ABCB11: variants seen among roughly 807,000 people sequenced by gnomAD.
ABCB11 encodes ATP binding cassette subfamily B member 11, also known as bile salt export pump.
In ABCB11, 95 loss-of-function variants were observed where a neutral mutation model predicts 148.0. That is an observed-to-expected ratio of 0.64 (90% confidence interval 0.54 to 0.76). The LOEUF is 0.76. Among genes scored for constraint, ABCB11 ranks in the 30% least tolerant of loss-of-function variants. The pLI, the probability that ABCB11 is intolerant of heterozygous loss-of-function variation, is 0.00. For missense variants in ABCB11, 1,523 were observed against 1,617.8 expected (o/e 0.94, Z 1.01); for synonymous variants, 591 against 555.4 (o/e 1.06, Z -0.90).
chr2:168,928,105 T>A (rs938247142), intron 25 of ABCB11, among the ~76,000 whole-genome samples: 3 of 152,190 alleles, frequency 2.0e-5, no homozygotes, highest in African/African-American at 7.2e-5. Context: ...AGAAAAAAAT[T>A]GTGATAAATG....
chr2:168,956,610 C>T (rs1035914146), intron 19 of ABCB11, among the ~76,000 whole-genome samples: 5 of 151,506 alleles, frequency 3.3e-5, no homozygotes, highest in Non-Finnish European at 5.9e-5. Flanking sequence ...GGGATCCTCC[C>T]GGGGGTGATG....
At chr2:169,016,648 G>T (rs2106054819) in intron 3 of ABCB11, 130 bp downstream of exon 3, 1 of 747,468 alleles carries the variant, frequency 1.3e-6, no homozygotes, top group Non-Finnish European at 2.2e-6. Context: ...AAGAGAAAAA[G>T]AATGGATTGT....
At chr2:169,014,792 A>C (rs1227929495) in intron 3 of ABCB11, among the ~76,000 whole-genome samples, 1 of 152,188 alleles carries the variant, frequency 6.6e-6, no homozygotes, top group Non-Finnish European at 1.5e-5. Context: ...GATAATGATG[A>C]AAAATTCAAG....
intron 22 of ABCB11, 108 bp from the exon 23 acceptor site, chr2:168,935,533 A>T: frequency 7.3e-7 from 1 of 1,365,872 alleles, no homozygotes; most frequent in Non-Finnish European, 9.9e-7. Flanking sequence ...ATGTGGTACA[A>T]ATCAGAGAAT....
chr2:168,969,263 T>G lies in ABCB11; in HGVS notation c.2011+87A>C, dbSNP rs142345608. 9.8e-3 allele frequency: 12,146 copies of G among 1,241,380 alleles called. 65 individuals are homozygous for G. The highest frequency in any genetic ancestry group is 0.012 in the Non-Finnish European group (10,526 of 883,344). 76.9% of individuals were successfully genotyped at this position (1,241,380 alleles called of 1,614,324 possible). On this transcript the variant is annotated intron_variant, in intron 16 of 27. Coordinates refer to ENST00000650372, the MANE Select transcript of ABCB11 (RefSeq NM_003742.4). ...CCTGCCAGAGTTGTTGGGAGAACAG[T>G]GAGTATTGAAATACATAGAAAACCG...
In ABCB11 at chr2:168,939,708, CT is replaced by C. The variant is rs201215976; in HGVS notation, c.2611-3276del. Among the ~76,000 whole-genome samples the C allele has an allele frequency of 4.2e-3, 631 of 151,898 alleles. 6 individuals carry two copies. Among genetic ancestry groups the C allele is most frequent in the Admixed American group, 0.014 (207 of 15,242 alleles). On this transcript the variant is annotated intron_variant, in intron 21 of 27. Coordinates refer to ENST00000650372, the MANE Select transcript of ABCB11 (RefSeq NM_003742.4). ...AAAAGAAAAGAAAAGACAAAATGAT[CT>C]TTTTTGCATTTTTTGCTTAGCAGAT... is the stretch of plus-strand genomic sequence containing the variant.
rs1312704795 is a variant in ABCB11, at chr2:169,006,895, T to C, written c.389+6377A>G. On this transcript the variant is annotated intron_variant, in intron 5 of 27. Coordinates refer to ENST00000650372, the MANE Select transcript of ABCB11 (RefSeq NM_003742.4). ...AGCTATAAAACCTTGTTGAAATAAA[T>C]TAAAGCAGACGCAAATAAGTGGATC... Among the ~76,000 whole-genome samples the C allele has an allele frequency of 2.0e-5, 3 of 152,314 alleles. No homozygotes were observed. The East Asian group carries it at 5.8e-4, about 29-fold the overall frequency.
intron 3 of ABCB11, among the ~76,000 whole-genome samples, chr2:169,016,166 A>C (rs544454501): frequency 6.6e-6 from 1 of 152,300 alleles, no homozygotes; most frequent in Non-Finnish European, 1.5e-5. Flanking sequence ...TCAGAGGCCC[A>C]GGCTGACCTG....
At chr2:168,990,671 C>G in intron 9 of ABCB11, 130 bp downstream of exon 9, 1 of 1,124,266 alleles carries the variant, frequency 8.9e-7, no homozygotes. Context: ...TGCTTAGCTC[C>G]CTCTTGAACA....
chr2:169,001,840 A>C lies in ABCB11; in HGVS notation c.390-5118T>G, dbSNP rs1287743849. Among the ~76,000 whole-genome samples the C allele has an allele frequency of 2.6e-5, 4 of 152,286 alleles. No homozygotes were observed. The South Asian group carries it at 8.3e-4, about 32-fold the overall frequency. ...AGTACATATCAGGCATAAGATACCC[A>C]GGGAACTTATCAACATGTTATTACT... is the stretch of plus-strand genomic sequence containing the variant. On this transcript the variant is annotated intron_variant, in intron 5 of 27. Coordinates refer to ENST00000650372, the MANE Select transcript of ABCB11 (RefSeq NM_003742.4).
chr2:169,003,365 C>T (rs1198699094), intron 5 of ABCB11, among the ~76,000 whole-genome samples: 1 of 142,838 alleles, frequency 7.0e-6, no homozygotes, highest in Non-Finnish European at 1.5e-5. Flanking sequence ...TATATATATG[C>T]ACACACACAA....
Position 168,927,185 on chromosome 2 carries a change from G to C in ABCB11, c.3589C>G (p.Leu1197Val). Residue 1197 changes from leucine to valine, a missense_variant, in exon 26 of 28, where the codon CTG becomes GTG. Coordinates refer to ENST00000650372, the MANE Select transcript of ABCB11 (RefSeq NM_003742.4). ...GGGAGTGACATGACAAAATCATGCA[G>C]CTGAGCCTGTTTTGCAGCTGCTATG... ...RVIAAAKQAQ[L>V]HDFVMSLPEK... 1 of 1,613,844 alleles carries C rather than the reference G, an allele frequency of 6.2e-7. No homozygotes were observed. The highest frequency in any genetic ancestry group is 8.5e-7 in the Non-Finnish European group (1 of 1,179,800).
In ABCB11 at chr2:168,981,351, C is replaced by G. The variant is rs187600653; in HGVS notation, c.1084-1372G>C. On this transcript the variant is annotated intron_variant, in intron 10 of 27. Transcript: ENST00000650372. ...GCCTATGCATAGGGACAAAAATTAT[C>G]TCTTCATTTCCTTGTCCTCAATTAT... Among the ~76,000 whole-genome samples, 31 of 152,290 alleles carry G rather than the reference C, an allele frequency of 2.0e-4. No individual in the cohort carries two copies. The East Asian group carries it at 5.8e-3, about 28-fold the overall frequency.
intron 5 of ABCB11, among the ~76,000 whole-genome samples, chr2:169,005,565 A>G (rs1038716415): frequency 6.6e-6 from 1 of 152,140 alleles, no homozygotes; most frequent in South Asian, 2.1e-4. Flanking sequence ...CCCCAACAAC[A>G]GCACTGAATC....
intron 4 of ABCB11, 92 bp from the exon 5 acceptor site, chr2:169,013,602 A>G (rs1217513865): frequency 2.1e-6 from 2 of 963,058 alleles, no homozygotes; most frequent in Non-Finnish European, 3.1e-6. Flanking sequence ...TCTCATGAAT[A>G]GTACTCAACA....
chr2:168,959,917 G>C (rs1375626134), intron 18 of ABCB11, among the ~76,000 whole-genome samples: 2 of 109,378 alleles, frequency 1.8e-5, no homozygotes, highest in Non-Finnish European at 3.3e-5. Flanking sequence ...TCGTGTGACA[G>C]AGCAAGACTG....
rs373615768 is a variant in ABCB11 at position 168,923,746 on chromosome 2, T to A, written c.3842A>T (p.Gln1281Leu). 2.5e-6 allele frequency: 4 copies of A among 1,613,790 alleles called. No homozygotes were observed. The African/African-American group carries it at 5.3e-5, about 22-fold the overall frequency. Residue 1281 changes from glutamine to leucine, a missense_variant, in exon 28 of 28, where the codon CAG becomes CTG. Gln to Leu is a moderately radical substitution (Grantham distance 113). Transcript: ENST00000650372. Reference protein sequence around the residue: ...IVIAHRLSTIQNADIIAVMAQ... With the variant: ...IVIAHRLSTILNADIIAVMAQ... ...CATGACAGCAATGATATCCGCGTTC[T>A]GGATGGTGGACAAGCGATGGGCAAT...
chr2:169,024,756 C>T (rs1695642946), intron 1 of ABCB11, among the ~76,000 whole-genome samples: 1 of 152,060 alleles, frequency 6.6e-6, no homozygotes, highest in Non-Finnish European at 1.5e-5. Flanking sequence ...ATGACAATTT[C>T]TCATACTTTC....
intron 10 of ABCB11, among the ~76,000 whole-genome samples, chr2:168,983,999 G>T (rs1694227066): frequency 6.6e-6 from 1 of 151,934 alleles, no homozygotes. Flanking sequence ...TATCACAAAA[G>T]TGCTTTGAAA....
Sources: gnomAD v4.1 joint callset for allele counts (sites outside exome capture counted in the v4.1 genomes callset) on GRCh38, gnomAD v4.1.1 for gene constraint, MANE v1.5 for transcripts, NCBI Gene and HGNC (gene_info 2026-07-23, HGNC 2026-07-21) for gene names.